Variants in LYN observed in about 807,000 individuals in gnomAD.
The protein encoded by LYN is LYN proto-oncogene, Src family tyrosine kinase.
In LYN, 12 loss-of-function variants were observed where a neutral mutation model predicts 65.0. The ratio of observed to expected loss-of-function variants is 0.18; its 90% confidence interval spans 0.12 to 0.30. The LOEUF is 0.30. LYN is among the 10% of genes least tolerant of loss of function. LYN has a pLI of 1.00. For missense variants in LYN, 380 were observed against 623.2 expected (o/e 0.61, Z 4.16); for synonymous variants, 222 against 221.2 (o/e 1.00, Z -0.03).
intron 10 of LYN, among the ~76,000 whole-genome samples, chr8:55,977,882 C>T (rs146948177): frequency 1.3e-5 from 2 of 152,178 alleles, no homozygotes; most frequent in East Asian, 1.9e-4. Flanking sequence ...TTACACCCAC[C>T]GCCCTCCAGC....
chr8:55,988,291 GGTGTGTGTGT>G (rs57413136), intron 10 of LYN, among the ~76,000 whole-genome samples: 4 of 142,100 alleles, frequency 2.8e-5, no homozygotes, highest in Admixed American at 7.0e-5. Context: ...CAAACTCCCT[GGTGTGTGTGT>G]GTGTGTGTGT....
chr8:55,975,624 TC>T (rs1482263596), intron 10 of LYN, among the ~76,000 whole-genome samples: 3 of 152,238 alleles, frequency 2.0e-5, no homozygotes, highest in African/African-American at 7.2e-5. Context: ...GCTCTATTTA[TC>T]TTTTTTGAAT....
intron 10 of LYN, among the ~76,000 whole-genome samples, chr8:55,997,526 G>C (rs920029977): frequency 9.9e-5 from 15 of 152,084 alleles, no homozygotes; most frequent in South Asian, 2.1e-4. Flanking sequence ...AGCTCTCTGG[G>C]GTCTCTTTTA....
chr8:55,969,608 C>T (rs547383149), intron 9 of LYN, 109 bp from the exon 10 acceptor site: 27 of 847,460 alleles, frequency 3.2e-5, no homozygotes, highest in Non-Finnish European at 5.5e-5. Flanking sequence ...ATTGCAAAGC[C>T]AATCATTTTG....
intron 1 of LYN, among the ~76,000 whole-genome samples, chr8:55,906,172 T>G (rs568371512): frequency 2.6e-5 from 4 of 152,134 alleles, no homozygotes; most frequent in African/African-American, 4.8e-5. Context: ...TCTGTTAGAA[T>G]TTCTGATCAG....
At chr8:56,007,571 G>A (rs1241444775) in intron 12 of LYN, among the ~76,000 whole-genome samples, 1 of 152,078 alleles carries the variant, frequency 6.6e-6, no homozygotes, top group Non-Finnish European at 1.5e-5. Flanking sequence ...CAAAAACAAG[G>A]GCTCTTCCAC....
intron 10 of LYN, among the ~76,000 whole-genome samples, chr8:55,980,005 T>C (rs960557689): frequency 1.3e-5 from 2 of 152,178 alleles, no homozygotes; most frequent in African/African-American, 2.4e-5. Context: ...CCTGCCCCAG[T>C]AGGGCTCAGA....
At chr8:55,911,537 C>G (rs1216382110) in intron 1 of LYN, among the ~76,000 whole-genome samples, 1 of 151,728 alleles carries the variant, frequency 6.6e-6, no homozygotes. Flanking sequence ...ACCCTGAACT[C>G]GTAGGGGCAG....
At chr8:55,910,899 G>GTTTT (rs767304702) in intron 1 of LYN, among the ~76,000 whole-genome samples, 1 of 123,430 alleles carries the variant, frequency 8.1e-6, no homozygotes, top group Non-Finnish European at 1.7e-5. Context: ...TACTAATTTT[G>GTTTT]TTTTTTTTTT....
At chr8:55,973,368 C>T (rs1365126714) in intron 10 of LYN, among the ~76,000 whole-genome samples, 1 of 152,230 alleles carries the variant, frequency 6.6e-6, no homozygotes, top group East Asian at 1.9e-4. Flanking sequence ...ATCCTGACTA[C>T]AGCAGCTTTA....
At chr8:55,880,432 G>A (rs1804620990) in intron 1 of LYN, among the ~76,000 whole-genome samples, 1 of 152,166 alleles carries the variant, frequency 6.6e-6, no homozygotes, top group African/African-American at 2.4e-5. Flanking sequence ...CCCGGTGAGG[G>A]CCCGAGGGCC....
At chr8:55,952,697 C>A (rs974365827) in intron 7 of LYN, among the ~76,000 whole-genome samples, 2 of 152,150 alleles carry the variant, frequency 1.3e-5, no homozygotes, top group African/African-American at 4.8e-5. Context: ...CCACAATTAC[C>A]AAGAGAAAAA....
At chr8:55,996,622 C>T (rs1808377371) in intron 10 of LYN, among the ~76,000 whole-genome samples, 1 of 151,940 alleles carries the variant, frequency 6.6e-6, no homozygotes, top group Admixed American at 6.6e-5. Context: ...TTCCTTCCTT[C>T]TTTCCTTGCT....
chr8:56,001,086 T>C (rs181553599), intron 12 of LYN, among the ~76,000 whole-genome samples: 22 of 152,150 alleles, frequency 1.4e-4, no homozygotes, highest in African/African-American at 4.6e-4. Flanking sequence ...TTTTATTCCA[T>C]GGTCCTGGCA....
chr8:55,903,944 C>T (rs1011161395), intron 1 of LYN, among the ~76,000 whole-genome samples: 1 of 152,108 alleles, frequency 6.6e-6, no homozygotes, highest in Middle Eastern at 3.4e-3. Context: ...CCGCTTGAGC[C>T]TCGGAGGTTG....
chr8:56,005,352 C>G lies in LYN; in HGVS notation c.1337-4556C>G, dbSNP rs533696208. ...TTCCATACCACACTTTCCCCACCTC[C>G]ACTTGGGCCTAGCATTCCCTGCATG... is the stretch of plus-strand genomic sequence containing the variant. On this transcript the variant is annotated intron_variant, in intron 12 of 12. Transcript: ENST00000519728. Among the ~76,000 whole-genome samples the G allele has an allele frequency of 1.5e-3, 231 of 152,364 alleles. 1 individual carries two copies. Among genetic ancestry groups the G allele is most frequent in the Non-Finnish European group, 2.3e-3 (157 of 68,036 alleles).
At chr8:55,911,491 A>G (rs946901679) in intron 1 of LYN, among the ~76,000 whole-genome samples, 1 of 151,522 alleles carries the variant, frequency 6.6e-6, no homozygotes, top group Admixed American at 6.6e-5. Flanking sequence ...TGCGTGAACC[A>G]TCTCTTTTGT....
intron 10 of LYN, among the ~76,000 whole-genome samples, chr8:55,991,480 A>G (rs550050046): frequency 5.3e-5 from 8 of 152,336 alleles, no homozygotes; most frequent in Non-Finnish European, 7.3e-5. Context: ...CTGGAAGTCT[A>G]TCTATCCAGC....
At chr8:55,917,174 TAAA>T (rs776843044) in intron 1 of LYN, among the ~76,000 whole-genome samples, 2 of 135,606 alleles carry the variant, frequency 1.5e-5, no homozygotes, top group Non-Finnish European at 1.6e-5. Flanking sequence ...AGATTCTGTC[TAAA>T]AAAAAAAAAA....
Sources: gnomAD v4.1 joint callset for allele counts (sites outside exome capture counted in the v4.1 genomes callset) on GRCh38, gnomAD v4.1.1 for gene constraint, MANE v1.5 for transcripts, NCBI Gene and HGNC (gene_info 2026-07-23, HGNC 2026-07-21) for gene names.